Variants in SMIM17 observed in about 807,000 individuals in gnomAD.
The protein encoded by SMIM17 is small integral membrane protein 17.
In SMIM17, 10 loss-of-function variants were observed where a neutral mutation model predicts 12.2. The ratio of observed to expected loss-of-function variants is 0.82; its 90% CI spans 0.50 to 1.39. The LOEUF (loss-of-function observed/expected upper bound fraction) is 1.39. Ranked by LOEUF, SMIM17 falls within the 40% of genes most tolerant of loss-of-function variation. The pLI is 0.00. For synonymous variants in SMIM17, 50 were observed against 44.1 expected, an observed-to-expected ratio of 1.13 and a Z score of -0.53; for missense variants, 136 against 118.2, an observed-to-expected ratio of 1.15 and a Z score of -0.70.
chr19:56,655,034 T>C, intron 3 of SMIM17, 69 bp from the exon 4 acceptor site: 1 of 589,162 alleles, frequency 1.7e-6, no homozygotes. Flanking sequence ...TATAAGTCTA[T>C]TTTCCTGCAA....
Position 56,645,813 on chromosome 19 carries a change from C to T in SMIM17, c.146C>T (p.Ser49Phe), listed in dbSNP as rs1397347865. 6.5e-7 allele frequency: 1 copy of T among 1,534,616 alleles called. No homozygotes were observed. Among genetic ancestry groups the T allele is most frequent in the South Asian group, 1.2e-5 (1 of 83,772 alleles). Reference sequence around the variant, plus strand: ...TGGGAGGCTGTGGAGGTTGGGGCCTCCAGCCATGACAGTGATGAGAAAGGT... The same window carrying T: ...TGGGAGGCTGTGGAGGTTGGGGCCTTCAGCCATGACAGTGATGAGAAAGGT... The part of the protein sequence containing the change: ...KDWEAVEVGA[S>F]SHDSDEKDLS... Residue 49 changes from serine (S) to phenylalanine (F), a missense_variant, in exon 2 of 4, where the codon TCC becomes TTC. Transcript: ENST00000598409.
At chr19:56,654,270 G>T (rs1486072791) in intron 3 of SMIM17, among the ~76,000 whole-genome samples, 1 of 152,190 alleles carries the variant, frequency 6.6e-6, no homozygotes, top group Non-Finnish European at 1.5e-5. Context: ...CAGGGTTAAG[G>T]GTATCTGGAG....
At chr19:56,645,888 G>A in intron 2 of SMIM17, 52 bp downstream of exon 2, 1 of 1,478,976 alleles carries the variant, frequency 6.8e-7, no homozygotes, top group Non-Finnish European at 9.0e-7. Flanking sequence ...GAAGGAATTG[G>A]CAGAGCCTAG....
chr19:56,657,048 G>T lies in SMIM17; in HGVS notation c.*1835G>T, dbSNP rs1396367552. Among the ~76,000 whole-genome samples the T allele has an allele frequency of 2.0e-5, 3 of 151,588 alleles. No homozygotes were observed. Among genetic ancestry groups the T allele is most frequent in the Admixed American group, 6.6e-5 (1 of 15,252 alleles). On this transcript the variant is annotated 3_prime_UTR_variant, in exon 4 of 4. Coordinates refer to ENST00000598409, the MANE Select transcript of SMIM17 (RefSeq NM_001193628.2). ...ATTATATTCATTAAAAACCAATAAG[G>T]TTATGTGAAACTTTGTTAGTACAAT...
At chr19:56,653,534 G>A (rs1215077167) in intron 3 of SMIM17, among the ~76,000 whole-genome samples, 1 of 152,208 alleles carries the variant, frequency 6.6e-6, no homozygotes. Context: ...ATGCTACAAT[G>A]AGCGTTTGTT....
At position 56,655,621 on chromosome 19, in the gene SMIM17, A is replaced by C. The variant is rs930558514; in HGVS notation, c.*408A>C. The C allele has an allele frequency of 5.5e-5, 10 of 182,858 alleles. No individual in the cohort carries two copies. The highest frequency in any genetic ancestry group is 4.1e-3 in the Middle Eastern group (2 of 490). 11.3% of individuals were successfully genotyped at this position (182,858 alleles called of 1,614,324 possible). On this transcript the variant is annotated 3_prime_UTR_variant, in exon 4 of 4. Coordinates refer to ENST00000598409, the MANE Select transcript of SMIM17 (RefSeq NM_001193628.2). ...CACCAGTCTTTTCATACACTAGATTATATTTATTGATATTTTATGTAGGAT... is the reference window on the plus strand; with the variant it reads ...CACCAGTCTTTTCATACACTAGATTCTATTTATTGATATTTTATGTAGGAT...
chr19:56,651,669 G>T (rs1049124268), intron 3 of SMIM17, among the ~76,000 whole-genome samples: 1 of 152,146 alleles, frequency 6.6e-6, no homozygotes, highest in Non-Finnish European at 1.5e-5. Flanking sequence ...TTACCTTTGA[G>T]GTGGGGGGAT....
At position 56,652,671 on chromosome 19, in the gene SMIM17, A is replaced by AG. The variant is rs1555778635; in HGVS notation, c.247-2432_247-2431insG. Among the ~76,000 whole-genome samples, 4 of 150,378 alleles carry AG rather than the reference A, an allele frequency of 2.7e-5. No homozygotes were observed. The South Asian group carries it at 6.4e-4, about 24-fold the overall frequency. On this transcript the variant is annotated intron_variant, in intron 3 of 3. Transcript: ENST00000598409. ...TCCTTCTCAAAAAAAAGAAAAAAAA[A>AG]AGAGAGAGAGAGAGAGAGTTATCCT... is the stretch of plus-strand genomic sequence containing the variant.
intron 1 of SMIM17, among the ~76,000 whole-genome samples, chr19:56,644,003 T>C (rs73934510): frequency 0.015 from 2,336 of 151,952 alleles, 53 homozygotes; most frequent in African/African-American, 0.05. Context: ...GGCTGTGGGG[T>C]GTGAATCTCC....
chr19:56,655,415 G>C lies in SMIM17; in HGVS notation c.*202G>C. On this transcript the variant is annotated 3_prime_UTR_variant, in exon 4 of 4. Coordinates refer to ENST00000598409, the MANE Select transcript of SMIM17 (RefSeq NM_001193628.2). ...ATTTCCATGAAATGAAGACATCATT[G>C]ATTGTAAAACATTATTTTGTATACC... 1 of 467,876 alleles carries C rather than the reference G, an allele frequency of 2.1e-6. No individual in the cohort carries two copies. Among genetic ancestry groups the C allele is most frequent in the Non-Finnish European group, 3.8e-6 (1 of 265,252 alleles). 29.0% of individuals were successfully genotyped at this position (467,876 alleles called of 1,614,324 possible). A position where few individuals can be genotyped will look rare whatever the true frequency, so the allele number is the denominator to read the frequency against.
intron 3 of SMIM17, among the ~76,000 whole-genome samples, chr19:56,649,175 G>A (rs2045090340): frequency 6.6e-6 from 1 of 152,210 alleles, no homozygotes; most frequent in Non-Finnish European, 1.5e-5. Context: ...AATTCCACAG[G>A]CATAGCAGGG....
rs113635530 is a variant in SMIM17 at position 56,656,602 on chromosome 19, A to T, written c.*1389A>T. On this transcript the variant is annotated 3_prime_UTR_variant, in exon 4 of 4. Coordinates refer to ENST00000598409, the MANE Select transcript of SMIM17 (RefSeq NM_001193628.2). ...CTCTTTATATTTTCTATAATAGCAT[A>T]CTTATTAACGCAAATGTACTTCTGG... Among the ~76,000 whole-genome samples the T allele has an allele frequency of 3.0e-3, 458 of 152,274 alleles. 2 individuals carry two copies. The highest frequency in any genetic ancestry group is 0.011 in the African/African-American group (444 of 41,558).
intron 3 of SMIM17, among the ~76,000 whole-genome samples, chr19:56,648,342 C>A (rs570915802): frequency 1.4e-5 from 2 of 146,628 alleles, no homozygotes; most frequent in South Asian, 4.5e-4. Context: ...TTCATTTACC[C>A]AACCTTTCAT....
At chr19:56,648,921 C>T (rs541599052) in intron 3 of SMIM17, among the ~76,000 whole-genome samples, 1 of 152,296 alleles carries the variant, frequency 6.6e-6, no homozygotes, top group South Asian at 2.1e-4. Context: ...GAGTCCCATC[C>T]ATCTCCCAAT....
chr19:56,647,659 T>C (rs751116867), intron 3 of SMIM17, 25 bp downstream of exon 3: 1 of 1,516,870 alleles, frequency 6.6e-7, no homozygotes, highest in South Asian at 1.2e-5. Flanking sequence ...TTGTTCTTTT[T>C]CCACAAATGT....
intron 3 of SMIM17, among the ~76,000 whole-genome samples, chr19:56,649,424 G>T (rs779005156): frequency 2.0e-5 from 3 of 149,350 alleles, no homozygotes. Context: ...CACCGAGGTA[G>T]ACAGACGACA....
rs1213162518 is a variant in SMIM17 at position 56,657,073 on chromosome 19, T to C, written c.*1860T>C. On this transcript the variant is annotated 3_prime_UTR_variant, in exon 4 of 4. Transcript: ENST00000598409. ...GTTATGTGAAACTTTGTTAGTACAATTGTTTTTGCTAATAAATTTTTATAA... is the reference window on the plus strand; with the variant it reads ...GTTATGTGAAACTTTGTTAGTACAACTGTTTTTGCTAATAAATTTTTATAA... Among the ~76,000 whole-genome samples the C allele has an allele frequency of 6.6e-6, 1 of 151,484 alleles. No individual in the cohort carries two copies. Among genetic ancestry groups the C allele is most frequent in the African/African-American group, 2.5e-5 (1 of 40,718 alleles).
chr19:56,647,562 G>T lies in SMIM17; in HGVS notation c.174G>T (p.Leu58=). 6.5e-7 allele frequency: 1 copy of T among 1,535,588 alleles called. No individual in the cohort carries two copies. Among genetic ancestry groups the T allele is most frequent in the African/African-American group, 1.4e-5 (1 of 73,096 alleles). Residue 58 remains leucine (L), a synonymous_variant, in exon 3 of 4, where the codon CTG becomes CTT. Transcript: ENST00000598409. ...TCCACTCCCACCCTCACCCAGACCT[G>T]TCTTCTCAAGAGACTGGGCTTTCCC... is the stretch of plus-strand genomic sequence containing the variant. The part of the protein sequence containing the change: ...ASSHDSDEKD[L]SSQETGLSQE...
chr19:56,648,133 TCC>T (rs2045080243), intron 3 of SMIM17, among the ~76,000 whole-genome samples: 1 of 6,886 alleles, frequency 1.5e-4, no homozygotes, highest in Non-Finnish European at 2.3e-4. Context: ...TATCCACTTA[TCC>T]ATCCATCCAT....
Sources: gnomAD v4.1 joint callset for allele counts (sites outside exome capture counted in the v4.1 genomes callset) on GRCh38, gnomAD v4.1.1 for gene constraint, MANE v1.5 for transcripts, NCBI Gene and HGNC (gene_info 2026-07-23, HGNC 2026-07-21) for gene names.